The following TSHZ2 variants were observed in gnomAD, a reference collection of about 807,000 sequenced individuals.
TSHZ2 encodes the protein teashirt zinc finger homeobox 2, also known as teashirt homolog 2.
In TSHZ2, 21 loss-of-function variants were observed where a neutral mutation model predicts 74.4. That is an observed-to-expected ratio of 0.28 (90% CI 0.20 to 0.41). The LOEUF is 0.41. TSHZ2 is among the 10% of genes least tolerant of loss of function. The pLI is 1.00. For missense variants in TSHZ2, 1,244 were observed against 1,293.5 expected, an observed-to-expected ratio of 0.96 and a Z score of 0.59; for synonymous variants, 540 against 515.3, an observed-to-expected ratio of 1.05 and a Z score of -0.65.
At chr20:53,028,516 A>T (rs1049508224) in intron 1 of TSHZ2, among the ~76,000 whole-genome samples, 3 of 152,156 alleles carry the variant, frequency 2.0e-5, no homozygotes, top group Non-Finnish European at 2.9e-5. Flanking sequence ...GGAAATTGTG[A>T]CTTCTAGACT....
chr20:53,014,425 A>G (rs568216695), intron 1 of TSHZ2, among the ~76,000 whole-genome samples: 1 of 152,248 alleles, frequency 6.6e-6, no homozygotes, highest in South Asian at 2.1e-4. Context: ...AAAATTCCCT[A>G]CATGTGAAGA....
chr20:52,976,437 G>T (rs1251400885), intron 1 of TSHZ2, among the ~76,000 whole-genome samples: 1 of 152,200 alleles, frequency 6.6e-6, no homozygotes, highest in Non-Finnish European at 1.5e-5. Context: ...TTCCTTGGAT[G>T]TATATTTCAC....
At chr20:53,220,754 G>T (rs1284558260) in intron 1 of TSHZ2, among the ~76,000 whole-genome samples, 1 of 151,628 alleles carries the variant, frequency 6.6e-6, no homozygotes, top group Non-Finnish European at 1.5e-5. Flanking sequence ...GTGAATGAAG[G>T]ACTAAGAAAA....
chr20:53,453,582 T>C (rs1259083599), intron 2 of TSHZ2, among the ~76,000 whole-genome samples: 1 of 152,202 alleles, frequency 6.6e-6, no homozygotes, highest in Non-Finnish European at 1.5e-5. Flanking sequence ...GTCCAGGGTA[T>C]CTTAATTTAA....
chr20:53,122,612 C>T (rs1986842795), intron 1 of TSHZ2, among the ~76,000 whole-genome samples: 1 of 152,098 alleles, frequency 6.6e-6, no homozygotes, highest in Non-Finnish European at 1.5e-5. Context: ...GAAGGATGTA[C>T]AGCCTGTTGG....
chr20:53,135,068 T>C (rs1332149881), intron 1 of TSHZ2, among the ~76,000 whole-genome samples: 1 of 152,016 alleles, frequency 6.6e-6, no homozygotes, highest in Non-Finnish European at 1.5e-5. Flanking sequence ...TATTTTTTAA[T>C]CTATGTTTGT....
intron 1 of TSHZ2, chr20:53,178,473 A>T (rs953614247): frequency 2.0e-5 from 3 of 152,252 alleles, no homozygotes; most frequent in African/African-American, 7.2e-5. Context: ...TACTTGCCTC[A>T]ATCCTAAGAC....
At position 53,490,834 on chromosome 20, in the gene TSHZ2, G is replaced by A. The variant is rs1394160437; in HGVS notation, c.*3699G>A. On this transcript the variant is annotated 3_prime_UTR_variant, in exon 3 of 3. Transcript: ENST00000371497. ...CATGAGTGTGTATTCATATATATGTGTATACATATGAATTTCACTGTTATT... is the reference window on the plus strand; with the variant it reads ...CATGAGTGTGTATTCATATATATGTATATACATATGAATTTCACTGTTATT... 3 of 152,188 alleles carry A rather than the reference G, an allele frequency of 2.0e-5. No individual in the cohort carries two copies. The highest frequency in any genetic ancestry group is 7.2e-5 in the African/African-American group (3 of 41,456). 9.4% of individuals were successfully genotyped at this position (152,188 alleles called of 1,614,324 possible).
chr20:53,095,094 C>T lies in TSHZ2; in HGVS notation c.40+121761C>T, dbSNP rs140069534. Among the ~76,000 whole-genome samples, 61 of 152,270 alleles carry T rather than the reference C, an allele frequency of 4.0e-4. 2 individuals are homozygous for T. The East Asian group carries it at 9.3e-3, about 23-fold the overall frequency. ...GACAATCAGGCAATTTGCTGGCTCA[C>T]GCAACTCAAAAGTCTAGGACAAGCT... On this transcript the variant is annotated intron_variant, in intron 1 of 2. Transcript: ENST00000371497.
chr20:53,260,799 G>T (rs1990586033), intron 2 of TSHZ2, among the ~76,000 whole-genome samples: 1 of 152,188 alleles, frequency 6.6e-6, no homozygotes, highest in South Asian at 2.1e-4. Flanking sequence ...GCAAGTTCTA[G>T]GTAGAGCCAC....
intron 2 of TSHZ2, among the ~76,000 whole-genome samples, chr20:53,269,586 T>TGAG (rs538780178): frequency 6.6e-6 from 1 of 151,800 alleles, no homozygotes; most frequent in African/African-American, 2.4e-5. Flanking sequence ...ATGATGGTGA[T>TGAG]GAGGAGGAGG....
chr20:53,076,539 C>G (rs1985368293), intron 1 of TSHZ2, among the ~76,000 whole-genome samples: 1 of 152,146 alleles, frequency 6.6e-6, no homozygotes, highest in Non-Finnish European at 1.5e-5. Context: ...GGGCCAGATT[C>G]CATACAAGCG....
chr20:53,485,213 G>A (rs1986260742), intron 2 of TSHZ2, among the ~76,000 whole-genome samples: 1 of 152,026 alleles, frequency 6.6e-6, no homozygotes, highest in Non-Finnish European at 1.5e-5. Flanking sequence ...GAAACGCAAA[G>A]ATGTTCATCA....
At chr20:53,051,513 C>T (rs6022255) in intron 1 of TSHZ2, among the ~76,000 whole-genome samples, 105,991 of 150,928 alleles carry the variant, frequency 0.7, 38,037 homozygotes, top group East Asian at 0.96. Flanking sequence ...TGGATTTGCA[C>T]TGGAGCCCTG....
chr20:53,099,400 G>A (rs924809666), intron 1 of TSHZ2, among the ~76,000 whole-genome samples: 1 of 152,132 alleles, frequency 6.6e-6, no homozygotes. Flanking sequence ...TCGACTTCTT[G>A]CAGAAAGCCT....
At chr20:53,443,561 G>A (rs147394266) in intron 2 of TSHZ2, among the ~76,000 whole-genome samples, 2 of 152,324 alleles carry the variant, frequency 1.3e-5, no homozygotes, top group African/African-American at 4.8e-5. Flanking sequence ...GGGTGGCCTT[G>A]ATTAAGCTAC....
intron 2 of TSHZ2, among the ~76,000 whole-genome samples, chr20:53,281,479 T>C (rs931373366): frequency 2.0e-5 from 3 of 152,202 alleles, no homozygotes; most frequent in Admixed American, 6.5e-5. Context: ...TGCCATTGTA[T>C]CACAAAAGCA....
intron 2 of TSHZ2, among the ~76,000 whole-genome samples, chr20:53,387,884 T>G (rs1408224053): frequency 6.6e-6 from 1 of 151,844 alleles, no homozygotes; most frequent in Non-Finnish European, 1.5e-5. Flanking sequence ...CTATCTCTAC[T>G]AAAATACAAA....
intron 2 of TSHZ2, among the ~76,000 whole-genome samples, chr20:53,353,835 A>T (rs890414243): frequency 2.6e-5 from 4 of 152,248 alleles, no homozygotes; most frequent in African/African-American, 9.6e-5. Flanking sequence ...ACGAATGGAC[A>T]TTAAGCATCA....
Sources: gnomAD v4.1 joint callset for allele counts (sites outside exome capture counted in the v4.1 genomes callset) on GRCh38, gnomAD v4.1.1 for gene constraint, MANE v1.5 for transcripts, NCBI Gene and HGNC (gene_info 2026-07-23, HGNC 2026-07-21) for gene names.